RIOX1: variants seen among roughly 807,000 people sequenced by gnomAD.
RIOX1 encodes ribosomal oxygenase 1.
In RIOX1, 33 loss-of-function variants were observed where a neutral mutation model predicts 44.6. The ratio of observed to expected loss-of-function variants is 0.74; its 90% CI spans 0.56 to 0.99. RIOX1 has a LOEUF of 0.99. Among genes scored for constraint, RIOX1 ranks in the 50% least tolerant of loss-of-function variants. The pLI is 0.00. For missense variants in RIOX1, 821 were observed against 871.7 expected (o/e 0.94, Z 0.73); for synonymous variants, 387 against 395.8 (o/e 0.98, Z 0.26).
rs1358824522 is a variant in RIOX1 at position 73,493,115 on chromosome 14, A to G, written c.*172A>G. ...AACCTCGGAAGGTCTTCTAGGAAGA[A>G]CCATCTCATCTAGGTACAAAAGGAA... On this transcript the variant is annotated 3_prime_UTR_variant, in exon 1 of 1. Transcript: ENST00000304061. 1 of 1,613,112 alleles carries G rather than the reference A, an allele frequency of 6.2e-7. No homozygotes were observed. The highest frequency in any genetic ancestry group is 2.2e-5 in the East Asian group (1 of 44,862).
Position 73,492,706 on chromosome 14 carries a change from C to G in RIOX1, c.1689C>G (p.Gly563=). The change falls in exon 1 of 1, where the codon GGC becomes GGG. Residue 563 remains glycine (G), a synonymous_variant. Transcript: ENST00000304061. This position sits in a 1 kb window ranked among gnomAD's most constrained non-coding sequence, Gnocchi z 4.9. ...TAGCTCGGCTGGTGGGTGAGGGGGG[C>G]CATTTGTTTCTCTATTACACAGTGG... ...DGIARLVGEG[G]HLFLYYTVEN... The G allele has an allele frequency of 6.2e-7, 1 of 1,613,798 alleles. No individual in the cohort carries two copies. The highest frequency in any genetic ancestry group is 2.2e-5 in the East Asian group (1 of 44,874).
In RIOX1 at chr14:73,492,264, T is replaced by A; in HGVS notation, c.1247T>A (p.Leu416Gln). Residue 416 changes from leucine (L) to glutamine (Q), a missense_variant, in exon 1 of 1, where the codon CTG (leucine) becomes CAG (glutamine). Physicochemically the swap from Leu to Gln is moderately radical, Grantham distance 113 (BLOSUM62 -2). This residue lies in a region of RIOX1 where 267 missense variants were observed against 340.5 expected (regional missense o/e 0.78). Transcript: ENST00000304061. This position sits in a 1 kb window ranked among gnomAD's most constrained non-coding sequence, Gnocchi z 4.9. ...GAATGCCAGGATGGAGTCCACTCTC[T>A]GCACCTCACCTTGTCCACGTACCAG... ...QAECQDGVHSLHLTLSTYQRN... is the reference protein window; with the variant it reads ...QAECQDGVHSQHLTLSTYQRN... 3.7e-6 allele frequency: 6 copies of A among 1,614,040 alleles called. No individual in the cohort carries two copies. The highest frequency in any genetic ancestry group is 4.2e-6 in the Non-Finnish European group (5 of 1,179,894).
In RIOX1 at chr14:73,491,133, T is replaced by C. The variant is rs764796899; in HGVS notation, c.116T>C (p.Ile39Thr). 1 of 1,607,636 alleles carries C rather than the reference T, an allele frequency of 6.2e-7. No individual in the cohort carries two copies. Among genetic ancestry groups the C allele is most frequent in the Admixed American group, 1.7e-5 (1 of 59,078 alleles). ...VLALPLRSRK[I>T]RKQLRSVVSR... ...GCCCTGCCCTTGAGGTCCAGGAAGA[T>C]ACGAAAGCAGCTGCGAAGTGTTGTA... Residue 39 changes from isoleucine (I) to threonine (T), a missense_variant, in exon 1 of 1, where the codon ATA becomes ACA. By Grantham distance (89) the Ile-to-Thr change is moderately conservative. Transcript: ENST00000304061.
At position 73,492,996 on chromosome 14, in the gene RIOX1, T is replaced by A; in HGVS notation, c.*53T>A. 2 of 1,492,004 alleles carry A rather than the reference T, an allele frequency of 1.3e-6. No individual in the cohort carries two copies. Among genetic ancestry groups the A allele is most frequent in the Non-Finnish European group, 1.8e-6 (2 of 1,126,266 alleles). 92.4% of individuals were successfully genotyped at this position (1,492,004 alleles called of 1,614,324 possible). A position where few individuals can be genotyped will look rare whatever the true frequency, so the allele number is the denominator to read the frequency against. On this transcript the variant is annotated 3_prime_UTR_variant, in exon 1 of 1. Transcript: ENST00000304061. This position sits in a 1 kb window ranked among gnomAD's most constrained non-coding sequence, Gnocchi z 4.9. ...AGTAGTGATTCTCCGCTGCCACTGC[T>A]ACCTTTTTTTTTTTTTTTTCCTTAA...
At position 73,492,736 on chromosome 14, in the gene RIOX1, C is replaced by T. The variant is rs1183831478; in HGVS notation, c.1719C>T (p.Asn573=). Residue 573 remains asparagine (N), a synonymous_variant, in exon 1 of 1, where the codon AAC becomes AAT. Transcript: ENST00000304061. The surrounding 1 kb of genome is among the most constrained non-coding windows in gnomAD (Gnocchi z 4.9). ...TGTTTCTCTATTACACAGTGGAAAA[C>T]TCCCGTGTGTATCATCTGGAAGAAC... The part of the protein sequence containing the change: ...GHLFLYYTVE[N]SRVYHLEEPK... 1 of 1,613,976 alleles carries T rather than the reference C, an allele frequency of 6.2e-7. No homozygotes were observed. The highest frequency in any genetic ancestry group is 1.7e-5 in the Admixed American group (1 of 60,000).
Position 73,493,289 on chromosome 14 carries a change from C to T in RIOX1, c.*346C>T. 1 of 596,912 alleles carries T rather than the reference C, an allele frequency of 1.7e-6. No homozygotes were observed. The highest frequency in any genetic ancestry group is 3.0e-6 in the Non-Finnish European group (1 of 333,630). 37.0% of individuals were successfully genotyped at this position (596,912 alleles called of 1,614,324 possible). A position where few individuals can be genotyped will look rare whatever the true frequency, so the allele number is the denominator to read the frequency against. On this transcript the variant is annotated 3_prime_UTR_variant, in exon 1 of 1. Coordinates refer to ENST00000304061, the MANE Select transcript of RIOX1 (RefSeq NM_024644.5). ...ATTAGATTTTTTTTGGAATTTGGAT[C>T]TTTCATCTGAGTTCTTTTTCATGGG...
In RIOX1 at chr14:73,491,850, C is replaced by T. The variant is rs763191464; in HGVS notation, c.833C>T (p.Pro278Leu). ...GGACGACGCGAGACCCTGAACCCACCCGGCCGCGCGCTGCCCGCCGCCGCG... is the reference window on the plus strand; with the variant it reads ...GGACGACGCGAGACCCTGAACCCACTCGGCCGCGCGCTGCCCGCCGCCGCG... ...INGRRETLNPPGRALPAAAWS... is the reference protein window; with the variant it reads ...INGRRETLNPLGRALPAAAWS... The change falls in exon 1 of 1, where the codon CCC becomes CTC. Residue 278 changes from proline to leucine, a missense_variant. Around this residue, in one of 2 missense-constraint regions of RIOX1, gnomAD observed 554 missense variants for 531.2 expected, o/e 1.04. Coordinates refer to ENST00000304061, the MANE Select transcript of RIOX1 (RefSeq NM_024644.5). 6.2e-7 allele frequency: 1 copy of T among 1,609,804 alleles called. No individual in the cohort carries two copies. The highest frequency in any genetic ancestry group is 2.2e-5 in the East Asian group (1 of 44,592).
rs145281374 is a variant in RIOX1, at chr14:73,490,990, G to A, written c.-28G>A. The A allele has an allele frequency of 0.026, 34,826 of 1,340,654 alleles. 536 individuals are homozygous for A. Among genetic ancestry groups the A allele is most frequent in the Middle Eastern group, 0.034 (130 of 3,830 alleles). The allele number at this position is 1,340,654 out of a possible 1,614,324, so 83.0% of individuals were successfully genotyped here. ...GCTTTAGCTTCGCCCCCGGCCGGCC[G>A]GGCGGGGAAGACTGGTGTGGTCTGG... On this transcript the variant is annotated 5_prime_UTR_variant, in exon 1 of 1. Coordinates refer to ENST00000304061, the MANE Select transcript of RIOX1 (RefSeq NM_024644.5).
In RIOX1 at chr14:73,492,707, C is replaced by T; in HGVS notation, c.1690C>T (p.His564Tyr). ...GIARLVGEGG[H>Y]LFLYYTVENS... Reference sequence around the variant, plus strand: ...AGCTCGGCTGGTGGGTGAGGGGGGCCATTTGTTTCTCTATTACACAGTGGA... The same window carrying T: ...AGCTCGGCTGGTGGGTGAGGGGGGCTATTTGTTTCTCTATTACACAGTGGA... Residue 564 changes from histidine (H) to tyrosine (Y), a missense_variant, in exon 1 of 1, where the codon CAT (histidine) becomes TAT (tyrosine). Around this residue, in one of 2 missense-constraint regions of RIOX1, gnomAD observed 267 missense variants for 340.5 expected, o/e 0.78. Transcript: ENST00000304061. This position sits in a 1 kb window ranked among gnomAD's most constrained non-coding sequence, Gnocchi z 4.9. 1 of 1,613,844 alleles carries T rather than the reference C, an allele frequency of 6.2e-7. No individual in the cohort carries two copies. Among genetic ancestry groups the T allele is most frequent in the Non-Finnish European group, 8.5e-7 (1 of 1,179,862 alleles).
chr14:73,493,211 C>T lies in RIOX1; in HGVS notation c.*268C>T, dbSNP rs1009806930. The T allele has an allele frequency of 2.7e-5, 29 of 1,076,686 alleles. No individual in the cohort carries two copies. Among genetic ancestry groups the T allele is most frequent in the East Asian group, 4.7e-5 (2 of 42,390 alleles). The allele number at this position is 1,076,686 out of a possible 1,614,324, so 66.7% of individuals were successfully genotyped here. ...TTCAGAGCACCAACTTCATCACCTT[C>T]AGGCTTCAGTGTACTGGGTAACACT... On this transcript the variant is annotated 3_prime_UTR_variant, in exon 1 of 1. Coordinates refer to ENST00000304061, the MANE Select transcript of RIOX1 (RefSeq NM_024644.5).
In RIOX1 at chr14:73,491,367, C is replaced by A; in HGVS notation, c.350C>A (p.Thr117Asn). 3 of 1,370,288 alleles carry A rather than the reference C, an allele frequency of 2.2e-6. 1 individual carries two copies. Among genetic ancestry groups the A allele is most frequent in the South Asian group, 1.8e-5 (1 of 56,090 alleles). 84.9% of individuals were successfully genotyped at this position (1,370,288 alleles called of 1,614,324 possible). A position where few individuals can be genotyped will look rare whatever the true frequency, so the allele number is the denominator to read the frequency against. The part of the protein sequence containing the change: ...EASPAARSLQ[T>N]PSARLVPASA... ...TCGCCCGCCGCGCGCTCCCTGCAGA[C>A]CCCGTCGGCGCGCCTGGTGCCCGCT... is the stretch of plus-strand genomic sequence containing the variant. Residue 117 changes from threonine to asparagine, a missense_variant, in exon 1 of 1, where the codon ACC becomes AAC. By Grantham distance (65) the Thr-to-Asn change is moderately conservative. Around this residue, in one of 2 missense-constraint regions of RIOX1, gnomAD observed 554 missense variants for 531.2 expected, o/e 1.04. Transcript: ENST00000304061.
rs1459822501 is a variant in RIOX1, at chr14:73,491,064, C to T, written c.47C>T (p.Pro16Leu). Residue 16 changes from proline to leucine, a missense_variant, in exon 1 of 1, where the codon CCG becomes CTG. Transcript: ENST00000304061. Reference sequence around the variant, plus strand: ...GCAGGGCCGTTGAGGCGCGGGCGGCCGAAGCGCCGGCGCAAGCCCCAGCCA... The same window carrying T: ...GCAGGGCCGTTGAGGCGCGGGCGGCTGAAGCGCCGGCGCAAGCCCCAGCCA... ...ASAGPLRRGR[P>L]KRRRKPQPHS... The T allele has an allele frequency of 1.3e-6, 2 of 1,593,206 alleles. No individual in the cohort carries two copies. The highest frequency in any genetic ancestry group is 1.7e-6 in the Non-Finnish European group (2 of 1,170,112).
chr14:73,490,974 T>A lies in RIOX1; in HGVS notation c.-44T>A. On this transcript the variant is annotated 5_prime_UTR_variant, in exon 1 of 1. Coordinates refer to ENST00000304061, the MANE Select transcript of RIOX1 (RefSeq NM_024644.5). ...GCTGCATTCAGGAACCGCTTTAGCT[T>A]CGCCCCCGGCCGGCCGGGCGGGGAA... 1 of 1,314,782 alleles carries A rather than the reference T, an allele frequency of 7.6e-7. No homozygotes were observed. Among genetic ancestry groups the A allele is most frequent in the Non-Finnish European group, 9.7e-7 (1 of 1,025,828 alleles). 81.4% of individuals were successfully genotyped at this position (1,314,782 alleles called of 1,614,324 possible). A position where few individuals can be genotyped will look rare whatever the true frequency, so the allele number is the denominator to read the frequency against.
rs1335748231 is a variant in RIOX1 at position 73,492,696 on chromosome 14, G to A, written c.1679G>A (p.Gly560Asp). Residue 560 changes from glycine (G) to aspartate (D), a missense_variant, in exon 1 of 1, where the codon GGT (glycine) becomes GAT (aspartate). Transcript: ENST00000304061. The surrounding 1 kb of genome is among the most constrained non-coding windows in gnomAD (Gnocchi z 4.9). ...CAGGATGGGATAGCTCGGCTGGTGG[G>A]TGAGGGGGGCCATTTGTTTCTCTAT... is the stretch of plus-strand genomic sequence containing the variant. ...MLQDGIARLV[G>D]EGGHLFLYYT... 2 of 1,614,012 alleles carry A rather than the reference G, an allele frequency of 1.2e-6. No individual in the cohort carries two copies. Among genetic ancestry groups the A allele is most frequent in the East Asian group, 4.5e-5 (2 of 44,890 alleles).
In RIOX1 at chr14:73,491,921, C is replaced by G; in HGVS notation, c.904C>G (p.Gln302Glu). 1 of 1,613,452 alleles carries G rather than the reference C, an allele frequency of 6.2e-7. No homozygotes were observed. Among genetic ancestry groups the G allele is most frequent in the South Asian group, 1.1e-5 (1 of 91,064 alleles). Residue 302 changes from glutamine (Q) to glutamate (E), a missense_variant, in exon 1 of 1, where the codon CAG (glutamine) becomes GAG (glutamate). Transcript: ENST00000304061. ...AGCSLRLLCP[Q>E]AFSTTVWQFL... ...CTGCTCCCTGCGTCTCCTCTGTCCGCAGGCTTTCTCTACTACTGTGTGGCA... is the reference window on the plus strand; with the variant it reads ...CTGCTCCCTGCGTCTCCTCTGTCCGGAGGCTTTCTCTACTACTGTGTGGCA...
rs746407846 is a variant in RIOX1, at chr14:73,491,808, C to T, written c.791C>T (p.Ala264Val). The T allele has an allele frequency of 6.3e-7, 1 of 1,599,626 alleles. No homozygotes were observed. The highest frequency in any genetic ancestry group is 1.7e-5 in the Admixed American group (1 of 57,344). Reference sequence around the variant, plus strand: ...GTGCAGTTCGGCCAGCATTTGGACGCCGCTCGCTACATCAACGGACGACGC... The same window carrying T: ...GTGCAGTTCGGCCAGCATTTGGACGTCGCTCGCTACATCAACGGACGACGC... The part of the protein sequence containing the change: ...EEVQFGQHLD[A>V]ARYINGRRET... The change falls in exon 1 of 1, where the codon GCC becomes GTC. Residue 264 changes from alanine to valine, a missense_variant. Physicochemically the swap from Ala to Val is moderately conservative, Grantham distance 64 (BLOSUM62 0). This residue lies in a region of RIOX1 where 554 missense variants were observed against 531.2 expected (regional missense o/e 1.04). Transcript: ENST00000304061.
chr14:73,492,509 G>A lies in RIOX1; in HGVS notation c.1492G>A (p.Ala498Thr), dbSNP rs1464931860. The A allele has an allele frequency of 6.2e-7, 1 of 1,613,422 alleles. No individual in the cohort carries two copies. The highest frequency in any genetic ancestry group is 8.5e-7 in the Non-Finnish European group (1 of 1,179,726). Residue 498 changes from alanine (A) to threonine (T), a missense_variant, in exon 1 of 1, where the codon GCC becomes ACC. Ala to Thr is a moderately conservative substitution (Grantham distance 58). This residue lies in a region of RIOX1 where 267 missense variants were observed against 340.5 expected (regional missense o/e 0.78). Coordinates refer to ENST00000304061, the MANE Select transcript of RIOX1 (RefSeq NM_024644.5). The surrounding 1 kb of genome is among the most constrained non-coding windows in gnomAD (Gnocchi z 4.9). Reference sequence around the variant, plus strand: ...ACACTTTGCTCCTGTTGATGCTGTGGCCGACCAGCGAGCCAAAGACTTCAT... The same window carrying A: ...ACACTTTGCTCCTGTTGATGCTGTGACCGACCAGCGAGCCAAAGACTTCAT... ...LGHFAPVDAV[A>T]DQRAKDFIHD... is the part of the protein sequence containing the mutation.
In RIOX1 at chr14:73,492,735, A is replaced by T. The variant is rs1471504860; in HGVS notation, c.1718A>T (p.Asn573Ile). ...TTGTTTCTCTATTACACAGTGGAAA[A>T]CTCCCGTGTGTATCATCTGGAAGAA... The part of the protein sequence containing the change: ...GHLFLYYTVE[N>I]SRVYHLEEPK... Residue 573 changes from asparagine (N) to isoleucine (I), a missense_variant, in exon 1 of 1, where the codon AAC (asparagine) becomes ATC (isoleucine). Coordinates refer to ENST00000304061, the MANE Select transcript of RIOX1 (RefSeq NM_024644.5). This position sits in a 1 kb window ranked among gnomAD's most constrained non-coding sequence, Gnocchi z 4.9. 6.2e-7 allele frequency: 1 copy of T among 1,613,554 alleles called. No individual in the cohort carries two copies. Among genetic ancestry groups the T allele is most frequent in the Non-Finnish European group, 8.5e-7 (1 of 1,179,824 alleles).
At position 73,490,941 on chromosome 14, in the gene RIOX1, C is replaced by A; in HGVS notation, c.-77C>A. On this transcript the variant is annotated 5_prime_UTR_variant, in exon 1 of 1. Coordinates refer to ENST00000304061, the MANE Select transcript of RIOX1 (RefSeq NM_024644.5). ...GGCCGCGCCCCCTTCCCAGAGTGCA[C>A]CGCAGCCGCTGCATTCAGGAACCGC... is the stretch of plus-strand genomic sequence containing the variant. The A allele has an allele frequency of 7.8e-7, 1 of 1,279,174 alleles. No individual in the cohort carries two copies. Among genetic ancestry groups the A allele is most frequent in the South Asian group, 2.7e-5 (1 of 37,572 alleles). 79.2% of individuals were successfully genotyped at this position (1,279,174 alleles called of 1,614,324 possible). A position where few individuals can be genotyped will look rare whatever the true frequency, so the allele number is the denominator to read the frequency against.
Sources: gnomAD v4.1 joint callset for allele counts on GRCh38, gnomAD v4.1.1 for gene constraint, gnomAD v4.1.1 regional missense constraint, Gnocchi (gnomAD v3.1) non-coding constraint, MANE v1.5 for transcripts, NCBI Gene and HGNC (gene_info 2026-07-23, HGNC 2026-07-21) for gene names.